The following DLG1 variants were observed in gnomAD, a reference collection of about 807,000 sequenced individuals.
DLG1 encodes the protein discs large MAGUK scaffold protein 1.
Under a neutral mutation model 123.4 loss-of-function variants are expected in DLG1, and 42 were observed. The observed-to-expected ratio is 0.34, with a 90% CI of 0.27 to 0.44. The LOEUF is 0.44. DLG1 is among the 20% of genes least tolerant of loss of function. DLG1 has a pLI of 1.00. For synonymous variants in DLG1, 317 were observed against 356.2 expected (o/e 0.89, Z 1.24); for missense variants, 942 against 1,082.6 (o/e 0.87, Z 1.82).
At chr3:197,207,843 C>T (rs1228693850) in intron 4 of DLG1, among the ~76,000 whole-genome samples, 2 of 145,018 alleles carry the variant, frequency 1.4e-5, no homozygotes, top group African/African-American at 4.9e-5. Context: ...TTAAATGAGA[C>T]TATAACACAA....
chr3:197,113,167 C>CT (rs1771070708), intron 13 of DLG1, among the ~76,000 whole-genome samples: 1 of 152,164 alleles, frequency 6.6e-6, no homozygotes, highest in Non-Finnish European at 1.5e-5. Context: ...ATTGAACTGA[C>CT]TTGGTGGCCC....
At chr3:197,188,802 T>C (rs1030952211) in intron 5 of DLG1, among the ~76,000 whole-genome samples, 2 of 152,196 alleles carry the variant, frequency 1.3e-5, no homozygotes, top group African/African-American at 4.8e-5. Context: ...TCTTATAACA[T>C]TCTGGTTTTT....
intron 5 of DLG1, among the ~76,000 whole-genome samples, chr3:197,179,718 G>A (rs1809092685): frequency 6.6e-6 from 1 of 152,102 alleles, no homozygotes; most frequent in Admixed American, 6.5e-5. Flanking sequence ...GTGACTCAAT[G>A]ACACTGATAC....
intron 4 of DLG1, among the ~76,000 whole-genome samples, chr3:197,262,021 T>C (rs1372749417): frequency 6.6e-6 from 1 of 152,254 alleles, no homozygotes; most frequent in East Asian, 1.9e-4. Context: ...TCTTTGTTTC[T>C]GTCAGAGTGC....
intron 4 of DLG1, among the ~76,000 whole-genome samples, chr3:197,197,729 C>A (rs1227958237): frequency 6.6e-6 from 1 of 152,202 alleles, no homozygotes; most frequent in African/African-American, 2.4e-5. Flanking sequence ...ACAGGGCTCA[C>A]ACCTCCTGAT....
chr3:197,166,664 C>T (rs914263959), intron 5 of DLG1, among the ~76,000 whole-genome samples: 5 of 152,024 alleles, frequency 3.3e-5, no homozygotes, highest in Non-Finnish European at 4.4e-5. Flanking sequence ...CGGAGGTGGG[C>T]GGATCATCTG....
At chr3:197,142,646 C>A in intron 7 of DLG1, 72 bp downstream of exon 7, 7 of 1,188,004 alleles carry the variant, frequency 5.9e-6, no homozygotes, top group Non-Finnish European at 8.4e-6. Context: ...AGAGATCTCC[C>A]TTGGATTCTG....
At chr3:197,252,870 A>T (rs1309971770) in intron 4 of DLG1, among the ~76,000 whole-genome samples, 1 of 152,164 alleles carries the variant, frequency 6.6e-6, no homozygotes, top group Non-Finnish European at 1.5e-5. Flanking sequence ...CTCTTTGCGC[A>T]GTGGGCAGCA....
intron 23 of DLG1, among the ~76,000 whole-genome samples, chr3:197,059,249 T>C (rs1202860465): frequency 6.6e-6 from 1 of 152,196 alleles, no homozygotes. Flanking sequence ...TGAAGCTAAG[T>C]AATACTTCTT....
intron 4 of DLG1, among the ~76,000 whole-genome samples, chr3:197,266,143 T>A (rs1761579501): frequency 6.6e-6 from 1 of 151,742 alleles, no homozygotes; most frequent in East Asian, 1.9e-4. Context: ...TTTAAAAGAA[T>A]AAAAAAATAT....
At chr3:197,160,844 G>C (rs1798507623) in intron 5 of DLG1, among the ~76,000 whole-genome samples, 1 of 151,162 alleles carries the variant, frequency 6.6e-6, no homozygotes, top group South Asian at 2.1e-4. Flanking sequence ...ATCAATAATG[G>C]CAAAAAAAAA....
At chr3:197,188,457 T>C (rs1717386933) in intron 5 of DLG1, among the ~76,000 whole-genome samples, 1 of 152,242 alleles carries the variant, frequency 6.6e-6, no homozygotes, top group African/African-American at 2.4e-5. Flanking sequence ...AACTGTTTGC[T>C]AAATGCATGT....
chr3:197,187,361 C>T (rs1246198790), intron 5 of DLG1, among the ~76,000 whole-genome samples: 1 of 152,124 alleles, frequency 6.6e-6, no homozygotes, highest in Admixed American at 6.5e-5. Context: ...TGCTTGTGTC[C>T]ATTTTTCTGC....
At chr3:197,228,268 A>G (rs964336893) in intron 4 of DLG1, among the ~76,000 whole-genome samples, 47 of 152,332 alleles carry the variant, frequency 3.1e-4, no homozygotes, top group African/African-American at 1.1e-3. Context: ...GTACACGCTG[A>G]GTCTTAATAA....
intron 5 of DLG1, among the ~76,000 whole-genome samples, chr3:197,170,576 T>C (rs1210208905): frequency 6.6e-5 from 10 of 151,932 alleles, no homozygotes; most frequent in Admixed American, 6.5e-4. Context: ...TTTACTCTCT[T>C]TTAATAGGAC....
intron 23 of DLG1, among the ~76,000 whole-genome samples, chr3:197,059,420 A>G (rs1398355507): frequency 3.3e-5 from 5 of 152,110 alleles, no homozygotes; most frequent in Non-Finnish European, 7.4e-5. Flanking sequence ...TTGTCTTTTA[A>G]TTGGAACATT....
At chr3:197,196,155 G>C (rs1048564235) in intron 4 of DLG1, among the ~76,000 whole-genome samples, 5 of 109,114 alleles carry the variant, frequency 4.6e-5, no homozygotes, top group Non-Finnish European at 8.8e-5. Flanking sequence ...AAAAATGTAC[G>C]TTTGTAAATG....
At chr3:197,225,370 A>C (rs1025996395) in intron 4 of DLG1, among the ~76,000 whole-genome samples, 3 of 152,112 alleles carry the variant, frequency 2.0e-5, no homozygotes, top group African/African-American at 7.2e-5. Context: ...ATAGGAAATG[A>C]GTAGTAAAGT....
intron 4 of DLG1, among the ~76,000 whole-genome samples, chr3:197,275,337 G>A (rs185280482): frequency 1.8e-4 from 28 of 152,176 alleles, no homozygotes; most frequent in African/African-American, 5.1e-4. Flanking sequence ...CAGCTATTAC[G>A]GAAAACAGCA....
Sources: gnomAD v4.1 joint callset for allele counts (sites outside exome capture counted in the v4.1 genomes callset) on GRCh38, gnomAD v4.1.1 for gene constraint, MANE v1.5 for transcripts, NCBI Gene and HGNC (gene_info 2026-07-23, HGNC 2026-07-21) for gene names.